Variants in FAM178B observed in about 807,000 individuals in gnomAD.
FAM178B encodes the protein protein FAM178B.
In FAM178B, 82 loss-of-function variants were observed where a neutral mutation model predicts 91.7. That is an observed-to-expected ratio of 0.89 (90% CI 0.75 to 1.07). The LOEUF (loss-of-function observed/expected upper bound fraction) is 1.07. FAM178B is among the 50% of genes least tolerant of loss of function. The pLI, the probability that FAM178B is intolerant of heterozygous loss-of-function variation, is 0.00. For missense variants in FAM178B, 769 were observed against 846.7 expected, an observed-to-expected ratio of 0.91 and a Z score of 1.14; for synonymous variants, 368 against 359.4, an observed-to-expected ratio of 1.02 and a Z score of -0.27.
chr2:96,877,634 A>C (rs1229584302), intron 16 of FAM178B: 5 of 464,012 alleles, frequency 1.1e-5, no homozygotes, highest in African/African-American at 9.7e-5. Flanking sequence ...TGACCTTGTG[A>C]TCCGCCCGCC....
At chr2:96,925,130 C>T (rs964341158) in intron 9 of FAM178B, among the ~76,000 whole-genome samples, 5 of 152,128 alleles carry the variant, frequency 3.3e-5, no homozygotes, top group South Asian at 2.1e-4. Context: ...CTGGTTCGTA[C>T]CAGCCTTGAG....
At chr2:96,905,985 C>T (rs555520441) in intron 12 of FAM178B, among the ~76,000 whole-genome samples, 3 of 147,496 alleles carry the variant, frequency 2.0e-5, no homozygotes, top group Admixed American at 6.8e-5. Flanking sequence ...GATTCTCCTG[C>T]CTCAGCCTCC....
chr2:96,876,921 G>C lies in FAM178B; in HGVS notation c.2008-613C>G, dbSNP rs185753350. On this transcript the variant is annotated intron_variant, in intron 16 of 16. Coordinates refer to ENST00000490605, the MANE Select transcript of FAM178B (RefSeq NM_001122646.3). ...CCAGCACAGGGGCTGAAGTTGGTTA[G>C]GTCAGAGGCTTGGGAGTCAGGCTGG... Among the ~76,000 whole-genome samples the C allele has an allele frequency of 2.3e-3, 350 of 152,256 alleles. 1 individual carries two copies. Among genetic ancestry groups the C allele is most frequent in the African/African-American group, 8.1e-3 (337 of 41,546 alleles).
At chr2:96,936,128 A>C (rs1307236528) in intron 8 of FAM178B, among the ~76,000 whole-genome samples, 2 of 152,166 alleles carry the variant, frequency 1.3e-5, no homozygotes, top group Non-Finnish European at 2.9e-5. Flanking sequence ...TGTAAGCCCA[A>C]AACTGTTCTA....
At chr2:96,910,589 CCAA>C (rs767073836) in intron 12 of FAM178B, among the ~76,000 whole-genome samples, 2 of 152,136 alleles carry the variant, frequency 1.3e-5, no homozygotes, top group Admixed American at 6.5e-5. Context: ...TCGGCATTTC[CCAA>C]CAACACTCCC....
At chr2:96,899,656 A>G (rs2080889139) in intron 13 of FAM178B, among the ~76,000 whole-genome samples, 1 of 151,280 alleles carries the variant, frequency 6.6e-6, no homozygotes, top group African/African-American at 2.4e-5. Context: ...CTTGACCTCC[A>G]GAGCTTAAGC....
intron 12 of FAM178B, among the ~76,000 whole-genome samples, chr2:96,909,296 A>G (rs746432587): frequency 5.9e-5 from 9 of 152,206 alleles, no homozygotes; most frequent in Non-Finnish European, 1.2e-4. Flanking sequence ...AAGACAGCCC[A>G]AATTCATTTA....
At chr2:96,912,733 C>T (rs1024928031) in intron 12 of FAM178B, among the ~76,000 whole-genome samples, 4 of 152,222 alleles carry the variant, frequency 2.6e-5, no homozygotes, top group South Asian at 2.1e-4. Flanking sequence ...TGTCTGCCTC[C>T]CAGCTCCAGC....
intron 12 of FAM178B, among the ~76,000 whole-genome samples, chr2:96,907,548 T>TAGGCCAGGCC (rs2081079437): frequency 1.3e-5 from 2 of 152,218 alleles, no homozygotes; most frequent in African/African-American, 2.4e-5. Context: ...CAGGCCAGGC[T>TAGGCCAGGCC]AGGCCAGGCC....
intron 1 of FAM178B, 149 bp downstream of exon 1, chr2:96,986,092 C>T (rs1323984988): frequency 2.1e-6 from 3 of 1,435,210 alleles, no homozygotes; most frequent in African/African-American, 1.4e-5. Flanking sequence ...CACGCGGGGT[C>T]GCAGGAACCT....
intron 1 of FAM178B, 122 bp from the exon 2 acceptor site, chr2:96,972,728 C>T: frequency 2.6e-6 from 2 of 783,966 alleles, no homozygotes; most frequent in Non-Finnish European, 4.1e-6. Context: ...GCCCTGAGGA[C>T]TGGCCTTCTG....
chr2:96,910,797 ATT>A (rs200071141), intron 12 of FAM178B, among the ~76,000 whole-genome samples: 52 of 136,140 alleles, frequency 3.8e-4, no homozygotes, highest in African/African-American at 9.3e-4. Context: ...TCTCTTCTTA[ATT>A]TTTTTTTTTT....
chr2:96,900,216 TC>T (rs1224249778), intron 13 of FAM178B, among the ~76,000 whole-genome samples: 1 of 151,882 alleles, frequency 6.6e-6, no homozygotes, highest in Admixed American at 6.6e-5. Flanking sequence ...CATCTTGTGC[TC>T]CCCCCTGCCT....
chr2:96,886,935 C>T (rs987395729), intron 14 of FAM178B, among the ~76,000 whole-genome samples: 1 of 152,202 alleles, frequency 6.6e-6, no homozygotes, highest in Non-Finnish European at 1.5e-5. Context: ...AACCTTTTGG[C>T]CGGGCGCGGT....
intron 4 of FAM178B, among the ~76,000 whole-genome samples, chr2:96,967,909 G>GTTTTTTTT (rs1318481195): frequency 7.5e-5 from 3 of 40,220 alleles, no homozygotes; most frequent in African/African-American, 1.7e-4. Flanking sequence ...ACCCTGTTTG[G>GTTTTTTTT]TCTTTTTTTT....
chr2:96,971,339 C>CTCTGTCTG (rs546996672), intron 3 of FAM178B, among the ~76,000 whole-genome samples: 65 of 148,248 alleles, frequency 4.4e-4, no homozygotes, highest in Non-Finnish European at 8.6e-4. Context: ...TCCCTTGTGT[C>CTCTGTCTG]TCTGTCTGTC....
intron 1 of FAM178B, chr2:96,977,925 G>T: frequency 2.6e-6 from 1 of 387,746 alleles, no homozygotes; most frequent in South Asian, 1.6e-5. Flanking sequence ...AAGTTCAGCA[G>T]TTCATCGCTG....
At chr2:96,898,612 C>T (rs1156744277) in intron 13 of FAM178B, among the ~76,000 whole-genome samples, 1 of 152,188 alleles carries the variant, frequency 6.6e-6, no homozygotes, top group Admixed American at 6.5e-5. Context: ...CGTGATCACA[C>T]CACTGCACTC....
chr2:96,883,072 A>G (rs1461608773), intron 14 of FAM178B, among the ~76,000 whole-genome samples: 1 of 152,208 alleles, frequency 6.6e-6, no homozygotes. Context: ...TCCTGGCTCT[A>G]CAGCCTTCAA....
Sources: gnomAD v4.1 joint callset for allele counts (sites outside exome capture counted in the v4.1 genomes callset) on GRCh38, gnomAD v4.1.1 for gene constraint, MANE v1.5 for transcripts, NCBI Gene and HGNC (gene_info 2026-07-23, HGNC 2026-07-21) for gene names.